TRPC6: variants seen among roughly 807,000 people sequenced by gnomAD.
The protein encoded by TRPC6 is transient receptor potential cation channel subfamily C member 6, also known as short transient receptor potential channel 6.
TRPC6 carries 55 observed loss-of-function variants against 90.7 expected under a neutral mutation model. That is an observed-to-expected ratio of 0.61 (90% confidence interval 0.49 to 0.76). The LOEUF (loss-of-function observed/expected upper bound fraction) is 0.76, where lower values mean the gene tolerates loss of function less well. TRPC6 is among the 30% of genes least tolerant of loss of function. The pLI is 0.00. For synonymous variants in TRPC6, 393 were observed against 393.0 expected (o/e 1.00, Z 0.00); for missense variants, 989 against 1,122.7 (o/e 0.88, Z 1.70).
At chr11:101,492,908 C>A (rs979676896) in intron 2 of TRPC6, among the ~76,000 whole-genome samples, 44 of 152,296 alleles carry the variant, frequency 2.9e-4, no homozygotes, top group Admixed American at 2.3e-3. Context: ...ATTTGAGACT[C>A]TTCTCTTTAG....
intron 1 of TRPC6, among the ~76,000 whole-genome samples, chr11:101,543,996 C>T (rs1448800759): frequency 6.6e-6 from 1 of 152,058 alleles, no homozygotes; most frequent in Non-Finnish European, 1.5e-5. Context: ...TGACAAATGG[C>T]TAATATCCAG....
chr11:101,469,387 G>C (rs759268720), intron 10 of TRPC6, 40 bp downstream of exon 10: 2 of 744,148 alleles, frequency 2.7e-6, no homozygotes, highest in Non-Finnish European at 5.0e-6. Context: ...AGATAAGCCC[G>C]ATCATGTGCA....
intron 10 of TRPC6, among the ~76,000 whole-genome samples, chr11:101,467,820 C>T (rs1859186266): frequency 6.6e-6 from 1 of 152,132 alleles, no homozygotes; most frequent in Non-Finnish European, 1.5e-5. Context: ...AGGCTGAAGA[C>T]TAAATGTGGC....
At chr11:101,558,320 T>G (rs199822731) in intron 1 of TRPC6, among the ~76,000 whole-genome samples, 39 of 86,068 alleles carry the variant, frequency 4.5e-4, no homozygotes, top group East Asian at 1.2e-3. Context: ...TATATATGTA[T>G]ACATGTATAT....
chr11:101,453,234 T>C, intron 12 of TRPC6, 128 bp from the exon 13 acceptor site: 1 of 954,926 alleles, frequency 1.0e-6, no homozygotes, highest in Non-Finnish European at 1.6e-6. Context: ...TGAAAGGAAA[T>C]AACTTCCTAA....
At chr11:101,536,514 A>C (rs1029412273) in intron 1 of TRPC6, among the ~76,000 whole-genome samples, 1 of 152,162 alleles carries the variant, frequency 6.6e-6, no homozygotes, top group African/African-American at 2.4e-5. Context: ...TAGGGTAGGA[A>C]TCAGGAAAAT....
At position 101,491,833 on chromosome 11, in the gene TRPC6, A is replaced by ATTTTTTTTTTTTTTTTTTTTT. The variant is rs200869151; in HGVS notation, c.946-96_946-95insAAAAAAAAAAAAAAAAAAAAA. 165 of 782,262 alleles carry ATTTTTTTTTTTTTTTTTTTTT rather than the reference A, an allele frequency of 2.1e-4. 26 individuals are homozygous for ATTTTTTTTTTTTTTTTTTTTT. The African/African-American group carries it at 4.3e-3, about 21-fold the overall frequency. 48.5% of individuals were successfully genotyped at this position (782,262 alleles called of 1,614,324 possible). A position where few individuals can be genotyped will look rare whatever the true frequency, so the allele number is the denominator to read the frequency against. On this transcript the variant is annotated intron_variant, in intron 2 of 12. Transcript: ENST00000344327. ...AAGGATTTTATACTTTAAGAGAAACATTCTTTTTTTTTTTTTTTTTTTTTT... is the reference window on the plus strand; with the variant it reads ...AAGGATTTTATACTTTAAGAGAAACATTTTTTTTTTTTTTTTTTTTTTTCTTTTTTTTTTTTTTTTTTTTTT...
intron 1 of TRPC6, among the ~76,000 whole-genome samples, chr11:101,550,357 T>C (rs753655133): frequency 6.6e-6 from 1 of 151,606 alleles, no homozygotes; most frequent in African/African-American, 2.4e-5. Context: ...AAGCTATGGA[T>C]GTAAAATCAT....
chr11:101,583,311 C>T (rs765947361), intron 1 of TRPC6, 23 bp downstream of exon 1: 3 of 1,562,000 alleles, frequency 1.9e-6, no homozygotes, highest in Admixed American at 1.8e-5. Flanking sequence ...GCGCCCGATC[C>T]GCCCCGCGTC....
intron 10 of TRPC6, among the ~76,000 whole-genome samples, chr11:101,459,421 C>G (rs538909865): frequency 2.0e-5 from 3 of 152,238 alleles, no homozygotes; most frequent in African/African-American, 7.2e-5. Flanking sequence ...GTTAAACTGA[C>G]AGTGGAATCA....
At chr11:101,480,143 A>T (rs2136685733) in intron 5 of TRPC6, among the ~76,000 whole-genome samples, 1 of 152,310 alleles carries the variant, frequency 6.6e-6, no homozygotes, top group Middle Eastern at 3.4e-3. Flanking sequence ...GCGCCATTGC[A>T]CTCCAGCCTG....
At chr11:101,572,002 A>G (rs1160004392) in intron 1 of TRPC6, among the ~76,000 whole-genome samples, 1 of 152,222 alleles carries the variant, frequency 6.6e-6, no homozygotes, top group Non-Finnish European at 1.5e-5. Context: ...ATGGCAACAA[A>G]AGCCAAAATT....
intron 1 of TRPC6, among the ~76,000 whole-genome samples, chr11:101,559,614 G>A (rs1195825446): frequency 1.3e-5 from 2 of 150,516 alleles, no homozygotes; most frequent in Non-Finnish European, 2.9e-5. Context: ...ACACCTAAGA[G>A]CATCCACTAT....
Position 101,472,211 on chromosome 11 carries a change from A to G in TRPC6, c.2131T>C (p.Tyr711His). 1.2e-6 allele frequency: 2 copies of G among 1,613,192 alleles called. No homozygotes were observed. Among genetic ancestry groups the G allele is most frequent in the Non-Finnish European group, 1.7e-6 (2 of 1,179,516 alleles). ...AAAACAATGACCATCGTAACATTAT[A>G]GACTCCATAAAGAACGTAACCAATG... ...ENIGYVLYGV[Y>H]NVTMVIVLLN... The change falls in exon 8 of 13, where the codon TAT becomes CAT. Residue 711 changes from tyrosine to histidine, a missense_variant. By Grantham distance (83) the Tyr-to-His change is moderately conservative (BLOSUM62 2). This residue lies in a region of TRPC6 where 118 missense variants were observed against 197.6 expected (regional missense o/e 0.60). Transcript: ENST00000344327.
At position 101,480,621 on chromosome 11, in the gene TRPC6, A is replaced by T. The variant is rs556638934; in HGVS notation, c.1510+2328T>A. Among the ~76,000 whole-genome samples, 20 of 151,552 alleles carry T rather than the reference A, an allele frequency of 1.3e-4. No homozygotes were observed. In the East Asian group the frequency reaches 3.8e-3, roughly 29 times the overall value. On this transcript the variant is annotated intron_variant, in intron 5 of 12. Transcript: ENST00000344327. ...TTTTTCAAAGTTTCATCTTGTCCTA[A>T]AACAGTCATGTTTTGCCTAATAGGA...
intron 7 of TRPC6, 26 bp from the exon 8 acceptor site, chr11:101,472,358 G>GAAAT: frequency 6.3e-7 from 1 of 1,597,222 alleles, no homozygotes; most frequent in Non-Finnish European, 8.6e-7. Context: ...CAGAAGAAAA[G>GAAAT]AAATAAGAAA....
chr11:101,514,011 T>G (rs563793503), intron 1 of TRPC6, among the ~76,000 whole-genome samples: 34 of 152,236 alleles, frequency 2.2e-4, no homozygotes, highest in Non-Finnish European at 4.4e-4. Context: ...TGTAACAGAG[T>G]ACATGGATAG....
chr11:101,498,304 T>C (rs955933267), intron 2 of TRPC6, among the ~76,000 whole-genome samples: 9 of 152,170 alleles, frequency 5.9e-5, no homozygotes, highest in African/African-American at 2.2e-4. Context: ...AAAGATTCAA[T>C]ATAAAAACTG....
At chr11:101,557,740 A>C (rs1861592681) in intron 1 of TRPC6, among the ~76,000 whole-genome samples, 1 of 152,188 alleles carries the variant, frequency 6.6e-6, no homozygotes, top group African/African-American at 2.4e-5. Context: ...CCAAAAAAAG[A>C]AATCAGGAGA....
Sources: allele counts gnomAD v4.1 joint callset (sites outside exome capture counted in the v4.1 genomes callset), GRCh38; gene constraint gnomAD v4.1.1; regional missense constraint gnomAD v4.1.1; transcripts MANE v1.5; gene names NCBI Gene and HGNC (gene_info 2026-07-23, HGNC 2026-07-21).